Variants in ZC3H12D observed in about 807,000 individuals in gnomAD.
ZC3H12D encodes the protein zinc finger CCCH-type containing 12D.
ZC3H12D carries 11 observed loss-of-function variants against 24.2 expected under a neutral mutation model. That is an observed-to-expected ratio of 0.46 (90% CI 0.29 to 0.75). The LOEUF (loss-of-function observed/expected upper bound fraction) is 0.75, where lower values mean the gene tolerates loss of function less well. Ranked by LOEUF, ZC3H12D falls within the 30% of genes least tolerant of loss-of-function variation. ZC3H12D has a pLI of 0.11. For synonymous variants in ZC3H12D, 333 were observed against 341.8 expected, an observed-to-expected ratio of 0.97 and a Z score of 0.28; for missense variants, 740 against 767.7, an observed-to-expected ratio of 0.96 and a Z score of 0.43.
intron 2 of ZC3H12D, 38 bp from the exon 3 acceptor site, chr6:149,462,008 A>G: frequency 1.9e-6 from 3 of 1,589,550 alleles, no homozygotes; most frequent in Non-Finnish European, 2.6e-6. Context: ...GAGACACAGC[A>G]AGTGTTCCTA....
chr6:149,458,124 G>GTTTTTTTTTTTTTTTTTTT (rs1562472740), intron 3 of ZC3H12D, among the ~76,000 whole-genome samples: 4 of 37,600 alleles, frequency 1.1e-4, no homozygotes, highest in African/African-American at 3.7e-4. Context: ...TTTTTTTTTC[G>GTTTTTTTTTTTTTTTTTTT]TTTCTTTTTT....
chr6:149,462,042 C>G (rs1776082523), intron 2 of ZC3H12D, 72 bp from the exon 3 acceptor site: 8 of 1,519,412 alleles, frequency 5.3e-6, no homozygotes, highest in Non-Finnish European at 5.3e-6. Context: ...TGCGAATATC[C>G]TGGATCACAG....
At chr6:149,479,897 C>T (rs964020596) in intron 1 of ZC3H12D, among the ~76,000 whole-genome samples, 5 of 152,164 alleles carry the variant, frequency 3.3e-5, no homozygotes, top group Non-Finnish European at 7.3e-5. Context: ...ATATCTTTTA[C>T]CTTGGCCCCC....
intron 3 of ZC3H12D, among the ~76,000 whole-genome samples, chr6:149,457,519 G>A (rs1415445389): frequency 6.6e-6 from 1 of 152,204 alleles, no homozygotes; most frequent in Admixed American, 6.5e-5. Context: ...CCGGGCTCCA[G>A]TTCCTGGGTA....
Position 149,481,740 on chromosome 6 carries a change from G to C in ZC3H12D, c.-71+3073C>G, listed in dbSNP as rs184517971. 1.6e-4 allele frequency among the ~76,000 whole-genome samples: 24 copies of C among 148,892 alleles called. No individual in the cohort carries two copies. The East Asian group carries it at 3.5e-3, about 22-fold the overall frequency. ...GTGGGAAGATGGGGTAGATACAAGT[G>C]TTCCCTTCCCGAGGGTGAGGAAACT... On this transcript the variant is annotated intron_variant, in intron 1 of 5. Transcript: ENST00000409806.
At chr6:149,472,452 C>T (rs1394941903) in intron 2 of ZC3H12D, among the ~76,000 whole-genome samples, 1 of 151,242 alleles carries the variant, frequency 6.6e-6, no homozygotes, top group Non-Finnish European at 1.5e-5. Context: ...TATGCTCTGA[C>T]ACATTCTTCG....
In ZC3H12D at chr6:149,458,128, CTTT is replaced by C. The variant is rs1189920889; in HGVS notation, c.446-1231_446-1229del. On this transcript the variant is annotated intron_variant, in intron 3 of 5. Transcript: ENST00000409806. The stretch of plus-strand genomic sequence containing the variant: ...TTCTTTTTCTTTTTTTTTTTCGTTT[CTTT>C]TTTTTTTTTTTTTTTTTTTTTTGAG... Among the ~76,000 whole-genome samples the C allele has an allele frequency of 3.7e-3, 148 of 39,760 alleles. 1 individual carries two copies. The highest frequency in any genetic ancestry group is 0.015 in the African/African-American group (143 of 9,540). The allele number at this position is 39,760 out of a possible 152,430, so 26.1% of individuals were successfully genotyped here.
intron 2 of ZC3H12D, among the ~76,000 whole-genome samples, chr6:149,471,219 C>A (rs147616188): frequency 6.6e-6 from 1 of 152,216 alleles, no homozygotes. Context: ...CAGCCAAGCA[C>A]GACCAATGGC....
At chr6:149,459,235 C>T (rs1414501223) in intron 3 of ZC3H12D, among the ~76,000 whole-genome samples, 1 of 152,182 alleles carries the variant, frequency 6.6e-6, no homozygotes, top group Non-Finnish European at 1.5e-5. Context: ...TTAAGTATTA[C>T]ACTACTGTTG....
chr6:149,460,974 A>G (rs1406611274), intron 3 of ZC3H12D, among the ~76,000 whole-genome samples: 6 of 152,200 alleles, frequency 3.9e-5, no homozygotes, highest in Admixed American at 3.3e-4. Flanking sequence ...TCCATCTCAA[A>G]ACTAAATAAA....
At chr6:149,473,006 GCCTAT>G (rs1776269669) in intron 2 of ZC3H12D, among the ~76,000 whole-genome samples, 1 of 152,120 alleles carries the variant, frequency 6.6e-6, no homozygotes, top group Admixed American at 6.5e-5. Flanking sequence ...CCTATCTGGT[GCCTAT>G]ACATGACATG....
intron 1 of ZC3H12D, among the ~76,000 whole-genome samples, chr6:149,477,338 C>T (rs1362387593): frequency 6.6e-6 from 1 of 152,254 alleles, no homozygotes; most frequent in African/African-American, 2.4e-5. Context: ...TCCCACTCCA[C>T]CTCAGCCCAC....
rs773771557 is a variant in ZC3H12D, at chr6:149,474,496, G to A, written c.48C>T (p.Asp16=). 3.7e-5 allele frequency: 57 copies of A among 1,558,426 alleles called. No individual in the cohort carries two copies. Among genetic ancestry groups the A allele is most frequent in the African/African-American group, 6.8e-5 (5 of 73,456 alleles). The change falls in exon 2 of 6, where the codon GAC becomes GAT. Residue 16 remains aspartate (D), a synonymous_variant. Transcript: ENST00000409806. ...CCAACACCCGGAGCACATCCTCCCG[G>A]TCATAGCCCAGCTTCTGGAAGAATT... ...KMEFFQKLGY[D]REDVLRVLGK...
chr6:149,454,685 C>T (rs575336903), intron 4 of ZC3H12D, among the ~76,000 whole-genome samples: 7 of 152,338 alleles, frequency 4.6e-5, no homozygotes, highest in South Asian at 2.1e-4. Context: ...AGGCCCTTAA[C>T]GGAGGCCAGT....
In ZC3H12D at chr6:149,452,450, A is replaced by G. The variant is rs868540204; in HGVS notation, c.787+166T>C. 2 of 548,950 alleles carry G rather than the reference A, an allele frequency of 3.6e-6. No individual in the cohort carries two copies. The highest frequency in any genetic ancestry group is 3.1e-6 in the Non-Finnish European group (1 of 326,690). 34.0% of individuals were successfully genotyped at this position (548,950 alleles called of 1,614,324 possible). A position where few individuals can be genotyped will look rare whatever the true frequency, so the allele number is the denominator to read the frequency against. On this transcript the variant is annotated intron_variant, in intron 5 of 5. Coordinates refer to ENST00000409806, the MANE Select transcript of ZC3H12D (RefSeq NM_207360.3). The surrounding 1 kb of genome is among the most constrained non-coding windows in gnomAD (Gnocchi z 4.0). ...CACCGGCCAGGATGTCAGTTCTACA[A>G]TAACCCTGTCAGGAAAGTTAACTCT...
intron 3 of ZC3H12D, among the ~76,000 whole-genome samples, chr6:149,458,483 T>C (rs1379222598): frequency 1.3e-5 from 2 of 152,106 alleles, no homozygotes; most frequent in African/African-American, 4.8e-5. Flanking sequence ...ACAAATGGAA[T>C]CATACTATAC....
chr6:149,484,766 G>GCC (rs1776473902), intron 1 of ZC3H12D, 47 bp downstream of exon 1: 1 of 152,470 alleles, frequency 6.6e-6, no homozygotes, highest in Non-Finnish European at 1.5e-5. Context: ...ACTCAAGTCT[G>GCC]CGTGGTGTTG....
intron 1 of ZC3H12D, among the ~76,000 whole-genome samples, chr6:149,475,170 C>T (rs1423239985): frequency 6.6e-6 from 1 of 151,924 alleles, no homozygotes; most frequent in Non-Finnish European, 1.5e-5. Context: ...AACTTCCAGC[C>T]TCCAGAACTG....
At chr6:149,453,214 T>C (rs989344131) in intron 4 of ZC3H12D, among the ~76,000 whole-genome samples, 2 of 150,386 alleles carry the variant, frequency 1.3e-5, no homozygotes, top group Admixed American at 1.3e-4. Flanking sequence ...GATGGGAGGA[T>C]GGCTGAGCCT....
Sources: allele counts gnomAD v4.1 joint callset (sites outside exome capture counted in the v4.1 genomes callset), GRCh38; gene constraint gnomAD v4.1.1; non-coding constraint Gnocchi (gnomAD v3.1); transcripts MANE v1.5; gene names NCBI Gene and HGNC (gene_info 2026-07-23, HGNC 2026-07-21).